CLTC: variants seen among roughly 807,000 people sequenced by gnomAD.
The protein encoded by CLTC is clathrin heavy chain 1.
CLTC carries 16 observed loss-of-function variants against 195.8 expected under a neutral mutation model. That is an observed-to-expected ratio of 0.08 (90% CI 0.06 to 0.12). The LOEUF is 0.12. Ranked by LOEUF, CLTC falls within the 10% of genes least tolerant of loss-of-function variation. CLTC has a pLI of 1.00. For missense variants in CLTC, 796 were observed against 2,027.0 expected (o/e 0.39, Z 11.66); for synonymous variants, 667 against 689.4 (o/e 0.97, Z 0.51).
chr17:59,683,058 ATATTCT>A lies in CLTC; in HGVS notation c.3874-33_3874-28del, dbSNP rs1180808896. On this transcript the variant is annotated intron_variant, in intron 24 of 31. Coordinates refer to ENST00000269122, the MANE Select transcript of CLTC (RefSeq NM_004859.4). The surrounding 1 kb of genome is among the most constrained non-coding windows in gnomAD (Gnocchi z 6.1). ...TATGACCTGAGATCTTTTACCATAG[ATATTCT>A]TATCTTTAACTGCACATTTCTCTTG... 2 of 1,613,764 alleles carry A rather than the reference ATATTCT, an allele frequency of 1.2e-6. No homozygotes were observed. Among genetic ancestry groups the A allele is most frequent in the African/African-American group, 1.3e-5 (1 of 74,890 alleles).
At chr17:59,665,761 A>T (rs2032715267) in intron 10 of CLTC, among the ~76,000 whole-genome samples, 1 of 151,718 alleles carries the variant, frequency 6.6e-6, no homozygotes, top group South Asian at 2.1e-4. Context: ...AATCGCTTGA[A>T]CCCGGGAGGT....
intron 8 of CLTC, among the ~76,000 whole-genome samples, chr17:59,663,487 G>A (rs189658422): frequency 1.3e-5 from 2 of 152,132 alleles, no homozygotes; most frequent in Admixed American, 6.5e-5. Context: ...TTGAAAAATT[G>A]GGGCCATGTG....
At chr17:59,691,493 A>G (rs1310716803) in intron 31 of CLTC, among the ~76,000 whole-genome samples, 1 of 151,890 alleles carries the variant, frequency 6.6e-6, no homozygotes, top group African/African-American at 2.4e-5. Flanking sequence ...GCGTGGTGGC[A>G]CATGCCTGTA....
chr17:59,659,968 C>T (rs2032571848), intron 6 of CLTC, among the ~76,000 whole-genome samples: 1 of 152,152 alleles, frequency 6.6e-6, no homozygotes, highest in Non-Finnish European at 1.5e-5. Flanking sequence ...ATCATAGCTT[C>T]TTCAGTGTCA....
In CLTC at chr17:59,696,279, C is replaced by T. The variant is rs780697149; in HGVS notation, c.*2427C>T. On this transcript the variant is annotated 3_prime_UTR_variant, in exon 32 of 32. Coordinates refer to ENST00000269122, the MANE Select transcript of CLTC (RefSeq NM_004859.4). Reference sequence around the variant, plus strand: ...TCTCCTGTGCTGTCATATGCCTGTGCGAAGTGTATTAAATGAATCAAATAT... The same window carrying T: ...TCTCCTGTGCTGTCATATGCCTGTGTGAAGTGTATTAAATGAATCAAATAT... The T allele has an allele frequency of 7.7e-5, 17 of 220,986 alleles. No individual in the cohort carries two copies. The highest frequency in any genetic ancestry group is 1.2e-4 in the Non-Finnish European group (13 of 110,640). The allele number at this position is 220,986 out of a possible 1,614,324, so 13.7% of individuals were successfully genotyped here.
intron 1 of CLTC, among the ~76,000 whole-genome samples, chr17:59,622,664 G>A (rs561869128): frequency 1.1e-4 from 16 of 152,078 alleles, no homozygotes; most frequent in Non-Finnish European, 1.8e-4. Flanking sequence ...GTGAACCACC[G>A]AGCCCAACTA....
At chr17:59,691,044 G>A (rs1276496198) in intron 31 of CLTC, among the ~76,000 whole-genome samples, 1 of 152,168 alleles carries the variant, frequency 6.6e-6, no homozygotes, top group Non-Finnish European at 1.5e-5. Context: ...CAAAAGGTGA[G>A]AGAACATGCC....
chr17:59,675,799 T>G (rs983835172), intron 16 of CLTC, among the ~76,000 whole-genome samples: 1 of 152,198 alleles, frequency 6.6e-6, no homozygotes, highest in African/African-American at 2.4e-5. Flanking sequence ...AAGTGACAAA[T>G]TATATTGTGA....
intron 1 of CLTC, among the ~76,000 whole-genome samples, chr17:59,632,456 C>T (rs764633935): frequency 2.0e-5 from 3 of 149,670 alleles, no homozygotes; most frequent in Non-Finnish European, 4.4e-5. Flanking sequence ...TTTGAAAGAA[C>T]CAAAATTAAA....
At chr17:59,657,931 T>C (rs2032512939) in intron 6 of CLTC, among the ~76,000 whole-genome samples, 1 of 150,688 alleles carries the variant, frequency 6.6e-6, no homozygotes, top group South Asian at 2.1e-4. Context: ...GGGCACAGTG[T>C]CTCACGCCTG....
Position 59,633,310 on chromosome 17 carries a change from G to A in CLTC, c.43-10966G>A, listed in dbSNP as rs558131514. Among the ~76,000 whole-genome samples the A allele has an allele frequency of 3.9e-5, 6 of 152,220 alleles. No individual in the cohort carries two copies. In the East Asian group the frequency reaches 7.7e-4, roughly 20 times the overall value. Reference sequence around the variant, plus strand: ...GTTTGAGACCAGCCTGGCCAACATGGTGAAACCCCGTCTCTACTGAAAAAA... The same window carrying A: ...GTTTGAGACCAGCCTGGCCAACATGATGAAACCCCGTCTCTACTGAAAAAA... On this transcript the variant is annotated intron_variant, in intron 1 of 31. Transcript: ENST00000269122.
chr17:59,673,860 C>A, intron 15 of CLTC, 88 bp downstream of exon 15: 1 of 747,976 alleles, frequency 1.3e-6, no homozygotes, highest in Non-Finnish European at 2.2e-6. Context: ...ACTCTGTGCT[C>A]AATAAGAGTG....
Position 59,681,105 on chromosome 17 carries a change from A to C in CLTC, c.3065+48A>C, listed in dbSNP as rs757230513. The C allele has an allele frequency of 6.3e-7, 1 of 1,587,620 alleles. No individual in the cohort carries two copies. The stretch of plus-strand genomic sequence containing the variant: ...TGGCTATTTATAGTCAGTCTTTAAT[A>C]AATTATGGCCCATCAGTTTTGGGAA... On this transcript the variant is annotated intron_variant, in intron 19 of 31. Transcript: ENST00000269122. The surrounding 1 kb of genome is among the most constrained non-coding windows in gnomAD (Gnocchi z 5.0).
At chr17:59,669,479 G>A (rs2032799165) in intron 14 of CLTC, among the ~76,000 whole-genome samples, 1 of 152,174 alleles carries the variant, frequency 6.6e-6, no homozygotes, top group Admixed American at 6.5e-5. Flanking sequence ...CAGTTAGAGA[G>A]GAGTAAGGAC....
intron 10 of CLTC, among the ~76,000 whole-genome samples, chr17:59,665,777 T>C (rs1598227057): frequency 6.6e-6 from 1 of 151,540 alleles, no homozygotes; most frequent in Non-Finnish European, 1.5e-5. Context: ...GAGGTGGAGG[T>C]TGCAGTGAGC....
intron 1 of CLTC, among the ~76,000 whole-genome samples, chr17:59,642,924 C>T (rs2032079528): frequency 6.6e-6 from 1 of 152,120 alleles, no homozygotes; most frequent in Admixed American, 6.6e-5. Context: ...TATGTTATAT[C>T]TTATTCAGAG....
intron 5 of CLTC, among the ~76,000 whole-genome samples, chr17:59,653,220 GTCTC>G (rs1192363418): frequency 6.6e-6 from 1 of 151,200 alleles, no homozygotes; most frequent in African/African-American, 2.4e-5. Context: ...TTGAGACAGA[GTCTC>G]TCTCTGTCGC....
At chr17:59,656,918 C>T (rs1025179441) in intron 6 of CLTC, among the ~76,000 whole-genome samples, 10 of 151,964 alleles carry the variant, frequency 6.6e-5, no homozygotes, top group Admixed American at 1.3e-4. Flanking sequence ...GTGATCCACC[C>T]GCCCCAGCCT....
chr17:59,663,437 T>A (rs1212154755), intron 8 of CLTC, among the ~76,000 whole-genome samples: 4 of 152,216 alleles, frequency 2.6e-5, no homozygotes, highest in African/African-American at 7.2e-5. Flanking sequence ...ATTATCAAAT[T>A]TTCAGTTGAT....
Sources: allele counts gnomAD v4.1 joint callset (sites outside exome capture counted in the v4.1 genomes callset), GRCh38; gene constraint gnomAD v4.1.1; non-coding constraint Gnocchi (gnomAD v3.1); transcripts MANE v1.5; gene names NCBI Gene and HGNC (gene_info 2026-07-23, HGNC 2026-07-21).